Variants in PAX7 observed in about 807,000 individuals in gnomAD.
PAX7 encodes paired box protein Pax-7.
PAX7 carries 18 observed loss-of-function variants against 50.7 expected under a neutral mutation model. That is an observed-to-expected ratio of 0.36 (90% CI 0.25 to 0.53). The LOEUF is 0.53. PAX7 is among the 20% of genes least tolerant of loss of function. The pLI is 0.93. For missense variants in PAX7, 644 were observed against 702.9 expected, an observed-to-expected ratio of 0.92 and a Z score of 0.95; for synonymous variants, 310 against 290.4, an observed-to-expected ratio of 1.07 and a Z score of -0.69.
At chr1:18,706,257 G>C (rs2089282062) in intron 7 of PAX7, among the ~76,000 whole-genome samples, 1 of 152,040 alleles carries the variant, frequency 6.6e-6, no homozygotes, top group African/African-American at 2.4e-5. Context: ...GGACAGATCT[G>C]CCTCCTGCAT....
chr1:18,636,185 G>C lies in PAX7; in HGVS notation c.452-52G>C. 2 of 1,587,256 alleles carry C rather than the reference G, an allele frequency of 1.3e-6. No homozygotes were observed. The highest frequency in any genetic ancestry group is 1.7e-5 in the Admixed American group (1 of 57,650). ...CTCCCAGGGGCCCAGGCCACCGCTC[G>C]CTCCTCTGCTCCAACAACTTATACT... On this transcript the variant is annotated intron_variant, in intron 3 of 8. Coordinates refer to ENST00000420770, the MANE Select transcript of PAX7 (RefSeq NM_001135254.2). This position sits in a 1 kb window ranked among gnomAD's most constrained non-coding sequence, Gnocchi z 5.1.
chr1:18,720,563 G>A (rs771428562), intron 7 of PAX7, among the ~76,000 whole-genome samples: 3 of 152,084 alleles, frequency 2.0e-5, no homozygotes, highest in Non-Finnish European at 4.4e-5. Flanking sequence ...GGGGTATGAG[G>A]TGCTGATGGA....
At chr1:18,706,863 C>T (rs1344354694) in intron 7 of PAX7, among the ~76,000 whole-genome samples, 6 of 152,006 alleles carry the variant, frequency 3.9e-5, no homozygotes, top group Non-Finnish European at 7.4e-5. Flanking sequence ...TGGACAGACC[C>T]GGGTTAAGCT....
At chr1:18,669,581 G>C (rs2088713787) in intron 4 of PAX7, among the ~76,000 whole-genome samples, 1 of 152,160 alleles carries the variant, frequency 6.6e-6, no homozygotes, top group African/African-American at 2.4e-5. Context: ...GTTGCTTCCA[G>C]CTTGAACCGA....
chr1:18,733,499 C>A (rs1156326448), intron 7 of PAX7, among the ~76,000 whole-genome samples: 1 of 152,172 alleles, frequency 6.6e-6, no homozygotes, highest in Non-Finnish European at 1.5e-5. Context: ...ATCTCCCCAG[C>A]TGTGTGGAGA....
At chr1:18,641,557 G>A (rs559657249) in intron 4 of PAX7, among the ~76,000 whole-genome samples, 2 of 152,368 alleles carry the variant, frequency 1.3e-5, no homozygotes, top group South Asian at 4.1e-4. Flanking sequence ...TCCCCTCGGG[G>A]CACGCACCGC....
intron 4 of PAX7, among the ~76,000 whole-genome samples, chr1:18,670,490 G>A (rs2236834): frequency 0.12 from 17,700 of 152,118 alleles, 1,232 homozygotes; most frequent in East Asian, 0.27. Flanking sequence ...CCACCTCCTC[G>A]GCTGTGGCAC....
intron 4 of PAX7, among the ~76,000 whole-genome samples, chr1:18,657,731 T>C (rs913253625): frequency 1.5e-4 from 23 of 152,164 alleles, no homozygotes; most frequent in African/African-American, 4.3e-4. Context: ...TCTTTTTCCC[T>C]TTAAAGCGGA....
At chr1:18,722,221 C>A (rs561330373) in intron 7 of PAX7, among the ~76,000 whole-genome samples, 1 of 152,040 alleles carries the variant, frequency 6.6e-6, no homozygotes, top group Non-Finnish European at 1.5e-5. Context: ...GTAATCAGAG[C>A]GGGGGGCCCA....
chr1:18,671,320 G>T (rs991452320), intron 4 of PAX7, among the ~76,000 whole-genome samples: 4 of 152,212 alleles, frequency 2.6e-5, no homozygotes. Flanking sequence ...CAGTGTGCAG[G>T]CCCTAAGTGA....
At chr1:18,738,056 G>A (rs2100410806) in intron 8 of PAX7, among the ~76,000 whole-genome samples, 1 of 152,280 alleles carries the variant, frequency 6.6e-6, no homozygotes, top group African/African-American at 2.4e-5. Context: ...ATGAGTGTAT[G>A]TTTGAGTATG....
At chr1:18,743,458 A>T (rs561381801) in intron 8 of PAX7, among the ~76,000 whole-genome samples, 1 of 152,358 alleles carries the variant, frequency 6.6e-6, no homozygotes, top group East Asian at 1.9e-4. Flanking sequence ...TTGGGGAAGC[A>T]TGTAGAGTGC....
rs2088039039 is a variant in PAX7, at chr1:18,631,331, G to A, written c.-273G>A. ...GCCAGCCGGCAGAGGCGGACTTGGG[G>A]TTGGAGTGTTTGTTTGTTTGAACTT... is the stretch of plus-strand genomic sequence containing the variant. On this transcript the variant is annotated 5_prime_UTR_variant, in exon 1 of 9. Transcript: ENST00000420770. The A allele has an allele frequency of 9.0e-6, 4 of 443,318 alleles. No individual in the cohort carries two copies. The highest frequency in any genetic ancestry group is 1.2e-5 in the Non-Finnish European group (3 of 243,246). The allele number at this position is 443,318 out of a possible 1,614,324, so 27.5% of individuals were successfully genotyped here.
chr1:18,684,537 A>C (rs2088947187), intron 4 of PAX7, among the ~76,000 whole-genome samples: 1 of 152,318 alleles, frequency 6.6e-6, no homozygotes, highest in African/African-American at 2.4e-5. Flanking sequence ...GTTACAGCTG[A>C]GCAGTTCCCT....
intron 7 of PAX7, among the ~76,000 whole-genome samples, chr1:18,725,065 C>T (rs1236347073): frequency 6.6e-6 from 1 of 152,200 alleles, no homozygotes; most frequent in East Asian, 1.9e-4. Flanking sequence ...TCTCTATAAC[C>T]AGGGGCCATT....
rs1002094418 is a variant in PAX7, at chr1:18,726,709, A to G, written c.1156-8923A>G. On this transcript the variant is annotated intron_variant, in intron 7 of 8. Coordinates refer to ENST00000420770, the MANE Select transcript of PAX7 (RefSeq NM_001135254.2). The surrounding 1 kb of genome is among the most constrained non-coding windows in gnomAD (Gnocchi z 4.8). ...TCCCAGGGTCTCTCCCTCACACACC[A>G]GAAGGTTCTTACCAAAGTCTCAGCT... Among the ~76,000 whole-genome samples the G allele has an allele frequency of 4.6e-5, 7 of 152,232 alleles. No individual in the cohort carries two copies. Among genetic ancestry groups the G allele is most frequent in the African/African-American group, 1.7e-4 (7 of 41,450 alleles).
At chr1:18,682,034 G>A (rs888573810) in intron 4 of PAX7, among the ~76,000 whole-genome samples, 10 of 152,142 alleles carry the variant, frequency 6.6e-5, no homozygotes, top group Admixed American at 2.6e-4. Flanking sequence ...CACTATGTCC[G>A]GCCGGGCTTA....
chr1:18,646,373 G>A (rs1481186273), intron 4 of PAX7, among the ~76,000 whole-genome samples: 2 of 151,906 alleles, frequency 1.3e-5, no homozygotes, highest in Admixed American at 6.6e-5. Flanking sequence ...GCTGTAAATG[G>A]CCCCCTTTGC....
intron 7 of PAX7, among the ~76,000 whole-genome samples, chr1:18,724,838 C>G (rs746755345): frequency 4.6e-5 from 7 of 152,178 alleles, no homozygotes; most frequent in Non-Finnish European, 1.0e-4. Context: ...TCCCTTGATC[C>G]TATCAGAAGA....
Sources: gnomAD v4.1 joint callset for allele counts (sites outside exome capture counted in the v4.1 genomes callset) on GRCh38, gnomAD v4.1.1 for gene constraint, Gnocchi (gnomAD v3.1) non-coding constraint, MANE v1.5 for transcripts, NCBI Gene and HGNC (gene_info 2026-07-23, HGNC 2026-07-21) for gene names.